PLCH1: variants seen among roughly 807,000 people sequenced by gnomAD.
PLCH1 encodes the protein phospholipase C eta 1.
In PLCH1, 60 loss-of-function variants were observed where a neutral mutation model predicts 126.7. The observed-to-expected ratio is 0.47, with a 90% CI of 0.38 to 0.59. PLCH1 has a LOEUF of 0.59. Ranked by LOEUF, PLCH1 falls within the 20% of genes least tolerant of loss-of-function variation. The probability of loss-of-function intolerance (pLI) is 0.00; values close to 1 mark genes in which losing one functional copy is unlikely to be tolerated. For missense variants in PLCH1, 1,723 were observed against 2,040.0 expected (o/e 0.84, Z 2.99); for synonymous variants, 719 against 734.9 (o/e 0.98, Z 0.35).
intron 2 of PLCH1, among the ~76,000 whole-genome samples, chr3:155,693,859 G>A (rs1745600222): frequency 6.6e-6 from 1 of 152,054 alleles, no homozygotes; most frequent in Non-Finnish European, 1.5e-5. Flanking sequence ...GAACCCGGGA[G>A]GCAGAGGTTG....
chr3:155,724,548 T>C (rs572049153), intron 1 of PLCH1, among the ~76,000 whole-genome samples: 3 of 152,326 alleles, frequency 2.0e-5, no homozygotes, highest in African/African-American at 7.2e-5. Context: ...TTATCTGATA[T>C]AACAGTAGCT....
At chr3:155,645,011 C>A (rs1739857950) in intron 2 of PLCH1, among the ~76,000 whole-genome samples, 1 of 152,072 alleles carries the variant, frequency 6.6e-6, no homozygotes, top group African/African-American at 2.4e-5. Context: ...ATTTTCAAAG[C>A]CCCTTCTCAT....
At chr3:155,589,456 T>C (rs776730298) in intron 4 of PLCH1, among the ~76,000 whole-genome samples, 7 of 152,154 alleles carry the variant, frequency 4.6e-5, no homozygotes, top group Non-Finnish European at 1.0e-4. Context: ...TTTTTAACCA[T>C]TTAAAACCCA....
chr3:155,542,445 C>A (rs990805409), intron 10 of PLCH1, among the ~76,000 whole-genome samples: 25 of 152,218 alleles, frequency 1.6e-4, no homozygotes, highest in Non-Finnish European at 2.8e-4. Context: ...GTAGGCTCCA[C>A]CTCTGGGGGC....
chr3:155,666,557 G>A (rs1183333626), intron 2 of PLCH1, among the ~76,000 whole-genome samples: 1 of 152,140 alleles, frequency 6.6e-6, no homozygotes, highest in Non-Finnish European at 1.5e-5. Context: ...TGTGAAAGAA[G>A]TTAACACAAA....
intron 2 of PLCH1, among the ~76,000 whole-genome samples, chr3:155,673,682 T>C (rs962963080): frequency 6.6e-6 from 1 of 152,198 alleles, no homozygotes; most frequent in Non-Finnish European, 1.5e-5. Context: ...CCTATGACTA[T>C]TTTTTCTTCT....
rs1040148051 is a variant in PLCH1 at position 155,482,585 on chromosome 3, G to A, written c.3441C>T (p.Asp1147=). ...GRAATSFSLS[D]VSMLCSDIPD... ...GTATGTCAGAACAGAGCATGGAGAC[G>A]TCTGACAAAGAAAAGGATGTTGCAG... The change falls in exon 23 of 23, where the codon GAC becomes GAT. Residue 1147 remains aspartate, a synonymous_variant. Coordinates refer to ENST00000460012, the MANE Select transcript of PLCH1 (RefSeq NM_014996.4). 1.4e-5 allele frequency: 23 copies of A among 1,613,994 alleles called. No homozygotes were observed. Among genetic ancestry groups the A allele is most frequent in the African/African-American group, 2.7e-5 (2 of 74,920 alleles).
Position 155,481,467 on chromosome 3 carries a change from C to A in PLCH1, c.4559G>T (p.Gly1520Val). The change falls in exon 23 of 23, where the codon GGC becomes GTC. Residue 1520 changes from glycine to valine, a missense_variant. Gly to Val is a moderately radical substitution (Grantham distance 109, BLOSUM62 -3). This residue lies in a region of PLCH1 where 947 missense variants were observed against 977.1 expected (regional missense o/e 0.97). Coordinates refer to ENST00000460012, the MANE Select transcript of PLCH1 (RefSeq NM_014996.4). This position sits in a 1 kb window ranked among gnomAD's most constrained non-coding sequence, Gnocchi z 4.2. ...TAACGACTTTGTCTTCACAGTCACG[C>A]CCTTCTTGTCTCTAATGCCAGTTGT... ...FVTTGIRDKKGVTVKTKSLEP... is the reference protein window; with the variant it reads ...FVTTGIRDKKVVTVKTKSLEP... 6.2e-7 allele frequency: 1 copy of A among 1,614,156 alleles called. No individual in the cohort carries two copies. The highest frequency in any genetic ancestry group is 2.2e-5 in the East Asian group (1 of 44,880).
chr3:155,743,538 GA>G, intron 1 of PLCH1: 1 of 450,546 alleles, frequency 2.2e-6, no homozygotes, highest in Non-Finnish European at 4.4e-6. Context: ...TCTCAAAAAA[GA>G]AAAAAAGAAA....
intron 15 of PLCH1, among the ~76,000 whole-genome samples, chr3:155,496,671 G>C (rs1443154943): frequency 1.5e-5 from 2 of 136,062 alleles, no homozygotes; most frequent in African/African-American, 6.1e-5. Flanking sequence ...CATGACAGTA[G>C]GTTTTTTTTC....
In PLCH1 at chr3:155,482,688, C is replaced by T; in HGVS notation, c.3338G>A (p.Ser1113Asn). ...AGAAAGGACGCTTCCTGACAAGATG[C>T]TTTTCCCTTCCACAAAGTCCTCAGG... ...GNPEDFVEGK[S>N]ILSGSVLSHS... is the part of the protein sequence containing the mutation. The change falls in exon 23 of 23, where the codon AGC becomes AAC. Residue 1113 changes from serine to asparagine, a missense_variant. Ser to Asn is a conservative substitution (Grantham distance 46, BLOSUM62 1). Coordinates refer to ENST00000460012, the MANE Select transcript of PLCH1 (RefSeq NM_014996.4). 16 of 1,614,182 alleles carry T rather than the reference C, an allele frequency of 9.9e-6. No individual in the cohort carries two copies. Among genetic ancestry groups the T allele is most frequent in the African/African-American group, 1.3e-5 (1 of 75,044 alleles).
At chr3:155,490,393 A>T (rs1715997783) in intron 19 of PLCH1, among the ~76,000 whole-genome samples, 1 of 152,178 alleles carries the variant, frequency 6.6e-6, no homozygotes, top group South Asian at 2.1e-4. Flanking sequence ...TGCTCCAGAA[A>T]AAGTGAGAAA....
At chr3:155,644,105 A>G (rs184854894) in intron 2 of PLCH1, among the ~76,000 whole-genome samples, 1 of 152,360 alleles carries the variant, frequency 6.6e-6, no homozygotes, top group Admixed American at 6.5e-5. Flanking sequence ...ACAGACAGGT[A>G]TACATACAGA....
chr3:155,668,472 T>C (rs994847644), intron 2 of PLCH1, among the ~76,000 whole-genome samples: 1 of 152,176 alleles, frequency 6.6e-6, no homozygotes, highest in African/African-American at 2.4e-5. Context: ...TATTCTAAAT[T>C]GTATTTCTAT....
intron 21 of PLCH1, among the ~76,000 whole-genome samples, chr3:155,462,743 T>C (rs1415659613): frequency 6.6e-6 from 1 of 152,102 alleles, no homozygotes; most frequent in Non-Finnish European, 1.5e-5. Context: ...ACTCGCACAG[T>C]GGTTAAGTCC....
At chr3:155,456,227 T>C (rs1712437859) in intron 21 of PLCH1, among the ~76,000 whole-genome samples, 1 of 152,080 alleles carries the variant, frequency 6.6e-6, no homozygotes, top group Admixed American at 6.6e-5. Flanking sequence ...CTGATCATCA[T>C]TTAAATAGGG....
At chr3:155,536,432 G>C (rs1444222934) in intron 10 of PLCH1, among the ~76,000 whole-genome samples, 3 of 152,104 alleles carry the variant, frequency 2.0e-5, no homozygotes, top group African/African-American at 7.2e-5. Context: ...AAGTAATGCA[G>C]ACTATGGATG....
At chr3:155,707,069 T>C (rs564641737) in intron 1 of PLCH1, among the ~76,000 whole-genome samples, 1 of 152,264 alleles carries the variant, frequency 6.6e-6, no homozygotes, top group South Asian at 2.1e-4. Context: ...CCTAGAGAGC[T>C]AGCCCTACCC....
At position 155,629,243 on chromosome 3, in the gene PLCH1, C is replaced by T. The variant is rs141591762; in HGVS notation, c.80-32865G>A. On this transcript the variant is annotated intron_variant, in intron 2 of 22. Transcript: ENST00000460012. ...CAGCGGCTCAAAGTAGTGGCAGATT[C>T]TCAGTTATCTGAAATTCTACAGCAG... Among the ~76,000 whole-genome samples, 452 of 152,294 alleles carry T rather than the reference C, an allele frequency of 3.0e-3. 2 individuals carry two copies. The highest frequency in any genetic ancestry group is 0.019 in the South Asian group (94 of 4,824).
Sources: gnomAD v4.1 joint callset for allele counts (sites outside exome capture counted in the v4.1 genomes callset) on GRCh38, gnomAD v4.1.1 for gene constraint, gnomAD v4.1.1 regional missense constraint, Gnocchi (gnomAD v3.1) non-coding constraint, MANE v1.5 for transcripts, NCBI Gene and HGNC (gene_info 2026-07-23, HGNC 2026-07-21) for gene names.